PTPRN2: variants seen among roughly 807,000 people sequenced by gnomAD.
PTPRN2 encodes protein tyrosine phosphatase receptor type N2.
In PTPRN2, 74 loss-of-function variants were observed where a neutral mutation model predicts 118.8. The observed-to-expected ratio is 0.62, with a 90% CI of 0.52 to 0.76. The LOEUF (loss-of-function observed/expected upper bound fraction) is 0.76, where lower values mean the gene tolerates loss of function less well. PTPRN2 is among the 30% of genes least tolerant of loss of function. The probability of loss-of-function intolerance (pLI) is 0.00; values close to 1 mark genes in which losing one functional copy is unlikely to be tolerated. For synonymous variants in PTPRN2, 641 were observed against 608.0 expected (o/e 1.05, Z -0.80); for missense variants, 1,481 against 1,394.4 (o/e 1.06, Z -0.99).
Position 158,390,659 on chromosome 7 carries a change from C to T in PTPRN2, c.164-73727G>A, listed in dbSNP as rs568478596. ...GTCCCATGCCAACTGCTGTCCACTGCCCGGCCAGGCTTGCCCCGTCCCAGA... is the reference window on the plus strand; with the variant it reads ...GTCCCATGCCAACTGCTGTCCACTGTCCGGCCAGGCTTGCCCCGTCCCAGA... On this transcript the variant is annotated intron_variant, in intron 2 of 22. Transcript: ENST00000389418. Among the ~76,000 whole-genome samples, 206 of 152,320 alleles carry T rather than the reference C, an allele frequency of 1.4e-3. 1 individual carries two copies. The highest frequency in any genetic ancestry group is 1.4e-3 in the South Asian group (7 of 4,828).
chr7:157,840,427 A>G (rs578047745), intron 12 of PTPRN2, among the ~76,000 whole-genome samples: 262 of 129,904 alleles, frequency 2.0e-3, no homozygotes, highest in South Asian at 5.7e-3. Context: ...ACTGTGTGTG[A>G]CTGTGTGACC....
intron 14 of PTPRN2, among the ~76,000 whole-genome samples, chr7:157,650,392 C>G (rs1359251152): frequency 6.6e-6 from 1 of 152,224 alleles, no homozygotes; most frequent in African/African-American, 2.4e-5. Flanking sequence ...AGCTTTCCTG[C>G]AAAAATAGGC....
At chr7:157,882,326 C>G (rs1458855229) in intron 12 of PTPRN2, among the ~76,000 whole-genome samples, 2 of 150,264 alleles carry the variant, frequency 1.3e-5, no homozygotes, top group East Asian at 4.0e-4. Flanking sequence ...GATCAGAACA[C>G]ACCACCCCAA....
chr7:158,478,700 TG>T (rs769554959), intron 2 of PTPRN2, among the ~76,000 whole-genome samples: 2 of 151,996 alleles, frequency 1.3e-5, no homozygotes, highest in East Asian at 1.9e-4. Context: ...AGGATGACTG[TG>T]GGGGGCAGAC....
chr7:158,147,532 C>A (rs1820253544), intron 6 of PTPRN2, among the ~76,000 whole-genome samples: 1 of 138,408 alleles, frequency 7.2e-6, no homozygotes, highest in African/African-American at 2.8e-5. Flanking sequence ...CACTGACACC[C>A]CATCTCACGC....
At chr7:157,709,719 C>G (rs1397111284) in intron 12 of PTPRN2, among the ~76,000 whole-genome samples, 1 of 152,250 alleles carries the variant, frequency 6.6e-6, no homozygotes, top group Non-Finnish European at 1.5e-5. Flanking sequence ...CCTTCAGATT[C>G]AGCCCGGCGT....
intron 2 of PTPRN2, among the ~76,000 whole-genome samples, chr7:158,361,730 C>G (rs1227992688): frequency 1.3e-5 from 2 of 152,124 alleles, no homozygotes; most frequent in African/African-American, 2.4e-5. Context: ...GATCTGTGTT[C>G]CCCCAACACA....
At chr7:158,541,238 C>T (rs1329739564) in intron 1 of PTPRN2, among the ~76,000 whole-genome samples, 1 of 152,166 alleles carries the variant, frequency 6.6e-6, no homozygotes, top group East Asian at 1.9e-4. Context: ...AAGGGACATT[C>T]AAATTCTTTG....
chr7:157,766,057 T>C (rs1802459461), intron 12 of PTPRN2, among the ~76,000 whole-genome samples: 1 of 141,644 alleles, frequency 7.1e-6, no homozygotes, highest in Non-Finnish European at 1.5e-5. Context: ...CCTTCCTCCA[T>C]CCATCCATCC....
intron 12 of PTPRN2, among the ~76,000 whole-genome samples, chr7:157,891,549 T>C (rs1407528782): frequency 6.9e-6 from 1 of 144,388 alleles, no homozygotes; most frequent in Non-Finnish European, 1.5e-5. Context: ...ATGGGGTGGA[T>C]TCTCACACCC....
Position 157,657,194 on chromosome 7 carries a change from CCA to C in PTPRN2, c.2002-645_2002-644del, listed in dbSNP as rs1197173035. On this transcript the variant is annotated intron_variant, in intron 13 of 22. Coordinates refer to ENST00000389418, the MANE Select transcript of PTPRN2 (RefSeq NM_002847.5). ...TACACACACATATGCCACACACACA[CCA>C]CACACATCACACATATACACACACA... is the stretch of plus-strand genomic sequence containing the variant. 2.3e-4 allele frequency among the ~76,000 whole-genome samples: 31 copies of C among 135,656 alleles called. 1 individual carries two copies. The highest frequency in any genetic ancestry group is 8.7e-4 in the African/African-American group (31 of 35,500). The allele number at this position is 135,656 out of a possible 152,430, so 89.0% of individuals were successfully genotyped here. A position where few individuals can be genotyped will look rare whatever the true frequency, so the allele number is the denominator to read the frequency against.
chr7:157,748,429 GAGGCCTGTGTCCCTGAGCTGTGGGGT>G (rs1338089240), intron 12 of PTPRN2, among the ~76,000 whole-genome samples: 5 of 150,264 alleles, frequency 3.3e-5, no homozygotes, highest in South Asian at 2.1e-4. Flanking sequence ...CGGTAATTCT[GAGGCCTGTGTCCCTGAGCTGTGGGGT>G]GTCTGGGTGA....
chr7:157,551,621 C>T (rs1798613587), intron 21 of PTPRN2, among the ~76,000 whole-genome samples: 1 of 147,906 alleles, frequency 6.8e-6, no homozygotes, highest in Non-Finnish European at 1.5e-5. Flanking sequence ...ACCACGCATC[C>T]CACAGCCACC....
intron 11 of PTPRN2, among the ~76,000 whole-genome samples, chr7:157,998,371 G>A (rs1356062685): frequency 6.6e-6 from 1 of 152,146 alleles, no homozygotes; most frequent in Non-Finnish European, 1.5e-5. Flanking sequence ...GGAGGCTCCT[G>A]GGCTCTGACC....
chr7:158,504,758 G>A (rs982336100), intron 1 of PTPRN2, among the ~76,000 whole-genome samples: 1 of 152,134 alleles, frequency 6.6e-6, no homozygotes, highest in Non-Finnish European at 1.5e-5. Flanking sequence ...TTCTACACAT[G>A]CACATCATCT....
At chr7:157,931,987 A>G (rs1460877901) in intron 11 of PTPRN2, among the ~76,000 whole-genome samples, 1 of 152,216 alleles carries the variant, frequency 6.6e-6, no homozygotes. Context: ...AAGTTGTAAG[A>G]CTATCATACA....
intron 1 of PTPRN2, among the ~76,000 whole-genome samples, chr7:158,547,820 A>G (rs767496002): frequency 1.1e-4 from 16 of 152,158 alleles, no homozygotes; most frequent in Non-Finnish European, 2.2e-4. Flanking sequence ...CAAGAGCACT[A>G]CTCTGTCCCA....
chr7:157,914,320 G>C (rs770408561), intron 11 of PTPRN2, among the ~76,000 whole-genome samples: 1 of 151,952 alleles, frequency 6.6e-6, no homozygotes, highest in Non-Finnish European at 1.5e-5. Context: ...CACTCCATAG[G>C]CTTCTGGAAT....
rs528963892 is a variant in PTPRN2 at position 157,624,551 on chromosome 7, C to T, written c.2197-3042G>A. 8.1e-4 allele frequency among the ~76,000 whole-genome samples: 124 copies of T among 152,302 alleles called. 1 individual carries two copies. Among genetic ancestry groups the T allele is most frequent in the African/African-American group, 2.9e-3 (121 of 41,562 alleles). ...GCAAACCCATCTCACACAAAGCCTA[C>T]TGAGGATAAAGTGTTGAATATCTTA... is the stretch of plus-strand genomic sequence containing the variant. On this transcript the variant is annotated intron_variant, in intron 14 of 22. Coordinates refer to ENST00000389418, the MANE Select transcript of PTPRN2 (RefSeq NM_002847.5).
Sources: allele counts gnomAD v4.1 joint callset (sites outside exome capture counted in the v4.1 genomes callset), GRCh38; gene constraint gnomAD v4.1.1; transcripts MANE v1.5; gene names NCBI Gene and HGNC (gene_info 2026-07-23, HGNC 2026-07-21).